PIK3C3: variants seen among roughly 807,000 people sequenced by gnomAD.
PIK3C3 encodes the protein phosphatidylinositol 3-kinase catalytic subunit type 3, also known as PI3-kinase type 3.
PIK3C3 carries 95 observed loss-of-function variants against 126.1 expected under a neutral mutation model. The ratio of observed to expected loss-of-function variants is 0.75; its 90% confidence interval spans 0.64 to 0.89. The LOEUF is 0.89. PIK3C3 is among the 40% of genes least tolerant of loss of function. The probability of loss-of-function intolerance (pLI) is 0.00; values close to 1 mark genes in which losing one functional copy is unlikely to be tolerated. For synonymous variants in PIK3C3, 374 were observed against 360.0 expected (o/e 1.04, Z -0.44); for missense variants, 829 against 1,063.2 (o/e 0.78, Z 3.06).
chr18:42,027,988 A>G (rs1983650079), intron 14 of PIK3C3, among the ~76,000 whole-genome samples: 1 of 152,164 alleles, frequency 6.6e-6, no homozygotes, highest in Non-Finnish European at 1.5e-5. Context: ...TCAAAAGAAG[A>G]AGAAGAATTT....
Position 42,041,039 on chromosome 18 carries a change from G to A in PIK3C3, c.2103+298G>A, listed in dbSNP as rs927791997. On this transcript the variant is annotated intron_variant, in intron 19 of 24. Transcript: ENST00000262039. ...TCTGCTAAACTCACAAAAATCAGCC[G>A]GGCATGGTGGCATGCACCTGTAGTC... 3.3e-5 allele frequency among the ~76,000 whole-genome samples: 5 copies of A among 151,924 alleles called. 1 individual carries two copies. Among genetic ancestry groups the A allele is most frequent in the Non-Finnish European group, 4.4e-5 (3 of 67,964 alleles).
At chr18:42,005,197 AC>A (rs1293116145) in intron 10 of PIK3C3, among the ~76,000 whole-genome samples, 5 of 152,162 alleles carry the variant, frequency 3.3e-5, no homozygotes, top group African/African-American at 4.8e-5. Context: ...GAGTATACTT[AC>A]CCAAACCTAG....
intron 16 of PIK3C3, 49 bp downstream of exon 16, chr18:42,034,006 G>A (rs1204211001): frequency 1.5e-6 from 2 of 1,359,708 alleles, no homozygotes; most frequent in Admixed American, 2.4e-5. Flanking sequence ...TAATTCTTAA[G>A]CTAGATCAGA....
At chr18:42,001,552 T>G (rs1468686039) in intron 9 of PIK3C3, among the ~76,000 whole-genome samples, 3 of 152,324 alleles carry the variant, frequency 2.0e-5, no homozygotes, top group Admixed American at 6.5e-5. Context: ...AATTCTTACT[T>G]TTTGTCTTTC....
chr18:42,071,471 G>C (rs1383401283), intron 24 of PIK3C3, among the ~76,000 whole-genome samples: 1 of 152,172 alleles, frequency 6.6e-6, no homozygotes, highest in Non-Finnish European at 1.5e-5. Context: ...TGTAATCCCA[G>C]CACTTTGCAA....
chr18:42,010,309 T>C (rs1982763065), intron 10 of PIK3C3, among the ~76,000 whole-genome samples: 1 of 152,154 alleles, frequency 6.6e-6, no homozygotes, highest in Non-Finnish European at 1.5e-5. Flanking sequence ...AGGCTGCACC[T>C]CTAATTCTAG....
chr18:42,032,316 G>A (rs1983864525), intron 15 of PIK3C3, among the ~76,000 whole-genome samples: 1 of 152,138 alleles, frequency 6.6e-6, no homozygotes, highest in African/African-American at 2.4e-5. Context: ...GGAAATGGAT[G>A]GAATTTATCC....
At chr18:41,994,307 A>C (rs763759750) in intron 7 of PIK3C3, among the ~76,000 whole-genome samples, 1 of 152,212 alleles carries the variant, frequency 6.6e-6, no homozygotes, top group Non-Finnish European at 1.5e-5. Context: ...GTTAATCCCA[A>C]ATTGGCACTG....
At chr18:42,013,344 T>G in intron 10 of PIK3C3, 98 bp from the exon 11 acceptor site, 1 of 751,722 alleles carries the variant, frequency 1.3e-6, no homozygotes, top group South Asian at 2.0e-5. Flanking sequence ...AAGTGATAGA[T>G]AAAAGTAAAA....
At chr18:41,986,363 C>T (rs2144344442) in intron 4 of PIK3C3, among the ~76,000 whole-genome samples, 1 of 152,162 alleles carries the variant, frequency 6.6e-6, no homozygotes, top group East Asian at 1.9e-4. Context: ...TTTACATTTT[C>T]ATTTATTTTG....
chr18:42,077,806 A>G (rs1986085434), intron 24 of PIK3C3, among the ~76,000 whole-genome samples: 1 of 152,176 alleles, frequency 6.6e-6, no homozygotes, highest in African/African-American at 2.4e-5. Context: ...AATCCTTTCC[A>G]GTAGGTTTTC....
chr18:42,012,588 A>G (rs1003959877), intron 10 of PIK3C3, among the ~76,000 whole-genome samples: 1 of 152,230 alleles, frequency 6.6e-6, no homozygotes, highest in African/African-American at 2.4e-5. Context: ...AATTTTAAAA[A>G]GTACATACTT....
intron 21 of PIK3C3, among the ~76,000 whole-genome samples, chr18:42,056,618 G>A (rs557733114): frequency 6.6e-6 from 1 of 151,930 alleles, no homozygotes; most frequent in Non-Finnish European, 1.5e-5. Context: ...CCTCTTTTGG[G>A]GCAGAATCAT....
intron 10 of PIK3C3, among the ~76,000 whole-genome samples, chr18:42,007,594 A>G (rs1180251620): frequency 1.3e-5 from 2 of 152,112 alleles, no homozygotes; most frequent in African/African-American, 4.8e-5. Context: ...TTCCCTGGCA[A>G]TTATATTATT....
At chr18:42,070,719 G>A (rs954428420) in intron 24 of PIK3C3, among the ~76,000 whole-genome samples, 3 of 152,178 alleles carry the variant, frequency 2.0e-5, no homozygotes, top group Admixed American at 1.3e-4. Flanking sequence ...TAAAGCTAAT[G>A]TTGACTACTG....
intron 20 of PIK3C3, among the ~76,000 whole-genome samples, chr18:42,045,292 T>TA (rs142005556): frequency 0.078 from 11,818 of 152,216 alleles, 886 homozygotes; most frequent in East Asian, 0.25. Flanking sequence ...CTTGTCCTCT[T>TA]ACTCTGTGTT....
intron 4 of PIK3C3, among the ~76,000 whole-genome samples, chr18:41,985,487 C>T (rs963097042): frequency 3.9e-5 from 6 of 152,038 alleles, no homozygotes; most frequent in African/African-American, 9.7e-5. Context: ...ATTTTGCAAT[C>T]GGTTTTGCAC....
At chr18:41,966,454 G>A (rs1980375808) in intron 3 of PIK3C3, among the ~76,000 whole-genome samples, 3 of 152,078 alleles carry the variant, frequency 2.0e-5, no homozygotes, top group African/African-American at 7.2e-5. Context: ...ACAGGTATGA[G>A]CCACTATGCC....
chr18:42,064,696 A>G (rs1274155098), intron 22 of PIK3C3, 44 bp from the exon 23 acceptor site: 2 of 903,024 alleles, frequency 2.2e-6, no homozygotes, highest in Non-Finnish European at 3.7e-6. Flanking sequence ...AGAAATGCAG[A>G]ATTCTTAATC....
Sources: allele counts gnomAD v4.1 joint callset (sites outside exome capture counted in the v4.1 genomes callset), GRCh38; gene constraint gnomAD v4.1.1; transcripts MANE v1.5; gene names NCBI Gene and HGNC (gene_info 2026-07-23, HGNC 2026-07-21).